Variants in PCDHGC3 observed in about 807,000 individuals in gnomAD.
The protein encoded by PCDHGC3 is protocadherin gamma subfamily C, 3, also known as protocadherin gamma-C3.
In PCDHGC3, 26 loss-of-function variants were observed where a neutral mutation model predicts 59.2. The observed-to-expected ratio is 0.44, with a 90% CI of 0.32 to 0.61. The LOEUF (loss-of-function observed/expected upper bound fraction) is 0.61, where lower values mean the gene tolerates loss of function less well. PCDHGC3 is among the 20% of genes least tolerant of loss of function. PCDHGC3 has a pLI of 0.05. For synonymous variants in PCDHGC3, 487 were observed against 519.7 expected (o/e 0.94, Z 0.86); for missense variants, 1,080 against 1,221.8 (o/e 0.88, Z 1.73).
At chr5:141,505,532 G>A in intron 3 of PCDHGC3, 51 bp downstream of exon 3, 2 of 1,611,270 alleles carry the variant, frequency 1.2e-6, no homozygotes, top group Non-Finnish European at 1.7e-6. Context: ...GGGGTTCTGG[G>A]GTGCATCTCA....
intron 2 of PCDHGC3, among the ~76,000 whole-genome samples, chr5:141,504,036 G>T (rs1472706342): frequency 6.6e-6 from 1 of 152,080 alleles, no homozygotes; most frequent in African/African-American, 2.4e-5. Flanking sequence ...ACTCATTTAG[G>T]CAACAAATAT....
intron 2 of PCDHGC3, among the ~76,000 whole-genome samples, chr5:141,496,767 T>C (rs2099771224): frequency 6.6e-6 from 1 of 152,040 alleles, no homozygotes; most frequent in Non-Finnish European, 1.5e-5. Flanking sequence ...ATCGAGCATC[T>C]ACTATGAGCA....
Position 141,494,815 on chromosome 5 carries a change from G to C in PCDHGC3, c.2439G>C (p.Pro813=). 6.2e-7 allele frequency: 1 copy of C among 1,613,976 alleles called. No individual in the cohort carries two copies. The highest frequency in any genetic ancestry group is 8.5e-7 in the Non-Finnish European group (1 of 1,179,982). Residue 813 remains proline, a synonymous_variant, in exon 2 of 4, where the codon CCG becomes CCC. Transcript: ENST00000308177. Reference sequence around the variant, plus strand: ...CTCTGTTTTCTCCACAGCAAGCCCCGCCCAACACGGACTGGCGTTTCTCTC... The same window carrying C: ...CTCTGTTTTCTCCACAGCAAGCCCCCCCCAACACGGACTGGCGTTTCTCTC... ...AESAPPGQQA[P]PNTDWRFSQA...
chr5:141,500,460 C>T (rs1421637554), intron 2 of PCDHGC3, among the ~76,000 whole-genome samples: 2 of 152,234 alleles, frequency 1.3e-5, no homozygotes, highest in South Asian at 2.1e-4. Context: ...CCGCCCGCCT[C>T]GGCCTCCCAA....
intron 3 of PCDHGC3, among the ~76,000 whole-genome samples, chr5:141,510,266 C>T (rs1202092142): frequency 7.0e-6 from 1 of 143,198 alleles, no homozygotes; most frequent in Non-Finnish European, 1.5e-5. Flanking sequence ...GAGCAGGACT[C>T]CATCTTAAAA....
rs769074023 is a variant in PCDHGC3 at position 141,491,738 on chromosome 5, G to T, written c.2431-3069G>T. On this transcript the variant is annotated intron_variant, in intron 1 of 3. Transcript: ENST00000308177. The surrounding 1 kb of genome is among the most constrained non-coding windows in gnomAD (Gnocchi z 6.9). The stretch of plus-strand genomic sequence containing the variant: ...GCGCCGCCCCGGGCGACCCCTGGGG[G>T]CGGCACTGGAGAAGCCGCCCGTCCT... 38 of 1,600,228 alleles carry T rather than the reference G, an allele frequency of 2.4e-5. No homozygotes were observed. The highest frequency in any genetic ancestry group is 3.1e-5 in the Non-Finnish European group (36 of 1,174,204).
chr5:141,490,796 A>G lies in PCDHGC3; in HGVS notation c.2431-4011A>G. ...CCAGAGGATGGACGGATCTTTGCCC[A>G]GCGTACCTTTGACTATGAATTGCTG... On this transcript the variant is annotated intron_variant, in intron 1 of 3. Coordinates refer to ENST00000308177, the MANE Select transcript of PCDHGC3 (RefSeq NM_002588.4). The surrounding 1 kb of genome is among the most constrained non-coding windows in gnomAD (Gnocchi z 5.4). The G allele has an allele frequency of 6.2e-7, 1 of 1,613,978 alleles. No individual in the cohort carries two copies. The highest frequency in any genetic ancestry group is 8.5e-7 in the Non-Finnish European group (1 of 1,179,904).
At position 141,477,984 on chromosome 5, in the gene PCDHGC3, T is replaced by A; in HGVS notation, c.1868T>A (p.Leu623Gln). Residue 623 changes from leucine to glutamine, a missense_variant, in exon 1 of 4, where the codon CTG (leucine) becomes CAG (glutamine). Leu to Gln is a moderately radical substitution (Grantham distance 113). Coordinates refer to ENST00000308177, the MANE Select transcript of PCDHGC3 (RefSeq NM_002588.4). This position sits in a 1 kb window ranked among gnomAD's most constrained non-coding sequence, Gnocchi z 4.9. ...SPNQSLFAIG[L>Q]HTGQISTARP... ...AACCAGAGCCTTTTTGCCATAGGGC[T>A]GCACACTGGTCAAATCAGTACTGCC... 6.2e-7 allele frequency: 1 copy of A among 1,614,146 alleles called. No homozygotes were observed. The highest frequency in any genetic ancestry group is 8.5e-7 in the Non-Finnish European group (1 of 1,180,028).
In PCDHGC3 at chr5:141,486,858, C is replaced by T. The variant is rs2099636039; in HGVS notation, c.2431-7949C>T. The T allele has an allele frequency of 2.5e-6, 4 of 1,614,246 alleles. No homozygotes were observed. The highest frequency in any genetic ancestry group is 1.1e-5 in the South Asian group (1 of 91,088). On this transcript the variant is annotated intron_variant, in intron 1 of 3. Transcript: ENST00000308177. The surrounding 1 kb of genome is among the most constrained non-coding windows in gnomAD (Gnocchi z 5.0). ...TTTGTGCTGGACCTCAATGACAATGCTCCAGCTGTGCTCCGTCCTCGGGCC... is the reference window on the plus strand; with the variant it reads ...TTTGTGCTGGACCTCAATGACAATGTTCCAGCTGTGCTCCGTCCTCGGGCC...
Position 141,490,457 on chromosome 5 carries a change from T to C in PCDHGC3, c.2431-4350T>C. 1 of 1,614,214 alleles carries C rather than the reference T, an allele frequency of 6.2e-7. No homozygotes were observed. Among genetic ancestry groups the C allele is most frequent in the Non-Finnish European group, 8.5e-7 (1 of 1,180,042 alleles). ...AAGCCTTCTGAGAACCACTACTCGC[T>C]GCTAACCAGCCAGCCTTTGGACCGG... On this transcript the variant is annotated intron_variant, in intron 1 of 3. Coordinates refer to ENST00000308177, the MANE Select transcript of PCDHGC3 (RefSeq NM_002588.4). The surrounding 1 kb of genome is among the most constrained non-coding windows in gnomAD (Gnocchi z 5.4).
intron 2 of PCDHGC3, among the ~76,000 whole-genome samples, chr5:141,503,595 G>A (rs6892628): frequency 7.1e-6 from 1 of 140,086 alleles, no homozygotes. Context: ...CGAGACTCCA[G>A]CTCAAAAAAA....
Position 141,487,059 on chromosome 5 carries a change from G to A in PCDHGC3, c.2431-7748G>A, listed in dbSNP as rs760836605. 1.7e-5 allele frequency: 27 copies of A among 1,613,952 alleles called. No homozygotes were observed. Among genetic ancestry groups the A allele is most frequent in the Non-Finnish European group, 2.0e-5 (24 of 1,179,994 alleles). On this transcript the variant is annotated intron_variant, in intron 1 of 3. Transcript: ENST00000308177. This position sits in a 1 kb window ranked among gnomAD's most constrained non-coding sequence, Gnocchi z 5.0. ...GTCTCTCGATATGCTGGGGAGGTGC[G>A]GACGGCTGTTCCTATCCCAGCTGAC...
rs1246198657 is a variant in PCDHGC3 at position 141,505,401 on chromosome 5, A to T, written c.2498A>T (p.Asn833Ile). The change falls in exon 3 of 4, where the codon AAT (asparagine) becomes ATT (isoleucine). Residue 833 changes from asparagine (N) to isoleucine (I), a missense_variant. By Grantham distance (149) the Asn-to-Ile change is moderately radical (BLOSUM62 -3). Transcript: ENST00000308177. Reference protein sequence around the residue: ...AQRPGTSGSQNGDDTGTWPNN... With the variant: ...AQRPGTSGSQIGDDTGTWPNN... ...TCCTACTCTCTCCCCAGCTCCCAAA[A>T]TGGCGATGACACCGGCACCTGGCCC... is the stretch of plus-strand genomic sequence containing the variant. The T allele has an allele frequency of 6.2e-7, 1 of 1,614,058 alleles. No individual in the cohort carries two copies. Among genetic ancestry groups the T allele is most frequent in the African/African-American group, 1.3e-5 (1 of 74,922 alleles).
intron 2 of PCDHGC3, 91 bp from the exon 3 acceptor site, chr5:141,505,302 G>C: frequency 6.3e-7 from 1 of 1,592,714 alleles, no homozygotes. Context: ...TAGGGTTAGG[G>C]TACTAGGTTT....
At position 141,511,542 on chromosome 5, in the gene PCDHGC3, A is replaced by C; in HGVS notation, c.*369A>C. The stretch of plus-strand genomic sequence containing the variant: ...CCCATGCCTCCCTCCTCCCCACCCC[A>C]CTCCAACAGTTCCTCTTTCCCGAGT... On this transcript the variant is annotated 3_prime_UTR_variant, in exon 4 of 4. Coordinates refer to ENST00000308177, the MANE Select transcript of PCDHGC3 (RefSeq NM_002588.4). 6.6e-6 allele frequency: 2 copies of C among 302,184 alleles called. No homozygotes were observed. The highest frequency in any genetic ancestry group is 3.7e-5 in the South Asian group (1 of 26,678). The allele number at this position is 302,184 out of a possible 1,614,324, so 18.7% of individuals were successfully genotyped here. A position where few individuals can be genotyped will look rare whatever the true frequency, so the allele number is the denominator to read the frequency against.
intron 1 of PCDHGC3, among the ~76,000 whole-genome samples, chr5:141,482,530 C>CAAAAAAAAAAAAA (rs3074545): frequency 3.9e-5 from 3 of 76,560 alleles, no homozygotes; most frequent in African/African-American, 9.6e-5. Context: ...GACAGACATG[C>CAAAAAAAAAAAAA]AAAAAAAAAA....
chr5:141,501,891 T>G (rs2099811650), intron 2 of PCDHGC3, among the ~76,000 whole-genome samples: 1 of 152,128 alleles, frequency 6.6e-6, no homozygotes, highest in Admixed American at 6.5e-5. Context: ...CTGATCATCA[T>G]GGTTCCAACC....
chr5:141,476,738 C>T lies in PCDHGC3; in HGVS notation c.622C>T (p.Pro208Ser). 6.2e-7 allele frequency: 1 copy of T among 1,614,076 alleles called. No individual in the cohort carries two copies. The highest frequency in any genetic ancestry group is 2.2e-5 in the East Asian group (1 of 44,880). Residue 208 changes from proline (P) to serine (S), a missense_variant, in exon 1 of 4, where the codon CCT becomes TCT. Transcript: ENST00000308177. This position sits in a 1 kb window ranked among gnomAD's most constrained non-coding sequence, Gnocchi z 7.6. Reference sequence around the variant, plus strand: ...GCGCGCCCTGGACCGAGAACGGGAGCCTAGTCTCCAGTTAGTGCTGACGGC... The same window carrying T: ...GCGCGCCCTGGACCGAGAACGGGAGTCTAGTCTCCAGTTAGTGCTGACGGC... ...LERALDRERE[P>S]SLQLVLTALD...
rs141873183 is a variant in PCDHGC3 at position 141,511,011 on chromosome 5, C to T, written c.2643C>T (p.Tyr881=). The T allele has an allele frequency of 1.5e-5, 24 of 1,614,082 alleles. No individual in the cohort carries two copies. Among genetic ancestry groups the T allele is most frequent in the Middle Eastern group, 1.6e-4 (1 of 6,084 alleles). Residue 881 remains tyrosine (Y), a synonymous_variant, in exon 4 of 4, where the codon TAC becomes TAT. Transcript: ENST00000308177. ...GAGTMGLSAR[Y]GPQFTLQHVP... The stretch of plus-strand genomic sequence containing the variant: ...GCACCATGGGATTGAGCGCCCGCTA[C>T]GGACCCCAGTTCACCCTGCAGCACG...
Sources: gnomAD v4.1 joint callset for allele counts (sites outside exome capture counted in the v4.1 genomes callset) on GRCh38, gnomAD v4.1.1 for gene constraint, Gnocchi (gnomAD v3.1) non-coding constraint, MANE v1.5 for transcripts, NCBI Gene and HGNC (gene_info 2026-07-23, HGNC 2026-07-21) for gene names.